TMEM266: variants seen among roughly 807,000 people sequenced by gnomAD.
TMEM266 encodes the protein transmembrane protein 266.
Under a neutral mutation model 50.5 loss-of-function variants are expected in TMEM266, and 33 were observed. That is an observed-to-expected ratio of 0.65 (90% confidence interval 0.50 to 0.87). The LOEUF (loss-of-function observed/expected upper bound fraction) is 0.87, where lower values mean the gene tolerates loss of function less well. Among genes scored for constraint, TMEM266 ranks in the 40% least tolerant of loss-of-function variants. The pLI, the probability that TMEM266 is intolerant of heterozygous loss-of-function variation, is 0.00. For synonymous variants in TMEM266, 310 were observed against 292.3 expected (o/e 1.06, Z -0.62); for missense variants, 655 against 695.1 (o/e 0.94, Z 0.65).
intron 1 of TMEM266, among the ~76,000 whole-genome samples, chr15:76,081,970 C>T (rs1002540527): frequency 8.5e-5 from 13 of 152,174 alleles, no homozygotes; most frequent in African/African-American, 3.1e-4. Context: ...AAGGAAGAAT[C>T]GTTCTTCCTT....
chr15:76,188,962 T>C (rs146471109), intron 8 of TMEM266, among the ~76,000 whole-genome samples: 1 of 152,272 alleles, frequency 6.6e-6, no homozygotes, highest in East Asian at 1.9e-4. Context: ...GGAGGATTGC[T>C]TGAGTCCAGA....
intron 1 of TMEM266, among the ~76,000 whole-genome samples, chr15:76,071,073 G>C (rs1345362209): frequency 6.6e-6 from 1 of 152,174 alleles, no homozygotes; most frequent in Non-Finnish European, 1.5e-5. Context: ...CGTTCTATAT[G>C]ATAAAGGGGG....
chr15:76,140,896 G>C (rs113147916), intron 3 of TMEM266, among the ~76,000 whole-genome samples: 14,092 of 151,688 alleles, frequency 0.093, 989 homozygotes, highest in Admixed American at 0.21. Flanking sequence ...AATTAGCCAG[G>C]CATGGTGGCA....
intron 1 of TMEM266, chr15:76,111,881 T>C (rs2037176049): frequency 6.6e-6 from 1 of 152,242 alleles, no homozygotes; most frequent in Admixed American, 6.5e-5. Flanking sequence ...GTAACCAACA[T>C]GTTCTTCCAT....
intron 1 of TMEM266, among the ~76,000 whole-genome samples, chr15:76,109,863 T>C (rs2037141105): frequency 6.6e-6 from 1 of 152,060 alleles, no homozygotes; most frequent in South Asian, 2.1e-4. Context: ...TTTCACTGTT[T>C]TACCCAGGCT....
chr15:76,137,856 A>G lies in TMEM266; in HGVS notation c.188A>G (p.Gln63Arg), dbSNP rs745928129. ...GTCGATCTCTCCACGGCGGGCTCGC[A>G]GCTCCTGTCAAATCTGGACGAAGAT... The change falls in exon 3 of 11, where the codon CAG (glutamine) becomes CGG (arginine). Residue 63 changes from glutamine to arginine, a missense_variant. Physicochemically the swap from Gln to Arg is conservative, Grantham distance 43. Coordinates refer to ENST00000388942, the MANE Select transcript of TMEM266 (RefSeq NM_152335.3). 3.1e-6 allele frequency: 5 copies of G among 1,601,984 alleles called. No homozygotes were observed. The South Asian group carries it at 5.6e-5, about 18-fold the overall frequency.
intron 6 of TMEM266, 43 bp downstream of exon 6, chr15:76,169,915 C>T (rs1175968838): frequency 1.9e-6 from 3 of 1,586,502 alleles, no homozygotes; most frequent in Non-Finnish European, 2.6e-6. Context: ...CTCTGCCATC[C>T]TGGAAGCTGG....
chr15:76,188,631 C>T (rs12050813), intron 8 of TMEM266, among the ~76,000 whole-genome samples: 36,461 of 152,000 alleles, frequency 0.24, 4,878 homozygotes, highest in East Asian at 0.55. Context: ...AAAACTAAAC[C>T]ATCAGATCTT....
At chr15:76,066,057 A>G (rs1283656613) in intron 1 of TMEM266, among the ~76,000 whole-genome samples, 2 of 152,246 alleles carry the variant, frequency 1.3e-5, no homozygotes, top group East Asian at 3.8e-4. Flanking sequence ...CAGACAGAGT[A>G]TGAATTACTT....
intron 1 of TMEM266, among the ~76,000 whole-genome samples, chr15:76,116,668 G>A (rs2037251348): frequency 6.6e-6 from 1 of 151,918 alleles, no homozygotes; most frequent in African/African-American, 2.4e-5. Flanking sequence ...CTTATCTTTA[G>A]GGCATCTGCA....
intron 1 of TMEM266, among the ~76,000 whole-genome samples, chr15:76,125,318 T>A (rs914717225): frequency 6.6e-6 from 1 of 151,926 alleles, no homozygotes; most frequent in Non-Finnish European, 1.5e-5. Flanking sequence ...TTTCTGCACA[T>A]CAAAGGAAAC....
At position 76,204,002 on chromosome 15, in the gene TMEM266, C is replaced by T. The variant is rs765232679; in HGVS notation, c.1283C>T (p.Pro428Leu). The T allele has an allele frequency of 5.4e-5, 87 of 1,608,366 alleles. No homozygotes were observed. The highest frequency in any genetic ancestry group is 2.0e-4 in the Admixed American group (12 of 59,828). ...TCTGAGCCCGGCCCTTCTCCCCCGC[C>T]GCTGCCATCCCAGCAGCAGGTGGAG... The change falls in exon 11 of 11, where the codon CCG becomes CTG. Residue 428 changes from proline to leucine, a missense_variant. By Grantham distance (98) the Pro-to-Leu change is moderately conservative. Around this residue, in one of 3 missense-constraint regions of TMEM266, gnomAD observed 455 missense variants for 401.8 expected, o/e 1.13. Coordinates refer to ENST00000388942, the MANE Select transcript of TMEM266 (RefSeq NM_152335.3).
At chr15:76,162,686 A>G (rs2038036609) in intron 5 of TMEM266, among the ~76,000 whole-genome samples, 1 of 152,158 alleles carries the variant, frequency 6.6e-6, no homozygotes, top group Non-Finnish European at 1.5e-5. Context: ...CTTGCCCCTG[A>G]CTGCATCCTT....
rs78683852 is a variant in TMEM266, at chr15:76,078,466, C to T, written c.-97+18450C>T. On this transcript the variant is annotated intron_variant, in intron 1 of 10. Transcript: ENST00000388942. ...TGCTAAGTTTGACTCAACCTTGAGT[C>T]TGACAAAACTTGAAGCCACATCCTG... Among the ~76,000 whole-genome samples, 176 of 151,244 alleles carry T rather than the reference C, an allele frequency of 1.2e-3. 1 individual carries two copies. Among genetic ancestry groups the T allele is most frequent in the African/African-American group, 4.2e-3 (169 of 40,542 alleles).
At chr15:76,146,719 A>T (rs1467954062) in intron 3 of TMEM266, among the ~76,000 whole-genome samples, 1 of 152,186 alleles carries the variant, frequency 6.6e-6, no homozygotes, top group Non-Finnish European at 1.5e-5. Flanking sequence ...GGGACCTACT[A>T]AGCCATAGCC....
intron 1 of TMEM266, among the ~76,000 whole-genome samples, chr15:76,093,028 G>A (rs1198091391): frequency 2.6e-5 from 4 of 151,206 alleles, no homozygotes; most frequent in African/African-American, 7.3e-5. Flanking sequence ...GGCTGGTCTC[G>A]AACTCCTGAC....
At chr15:76,085,281 G>A (rs1205690723) in intron 1 of TMEM266, among the ~76,000 whole-genome samples, 2 of 139,654 alleles carry the variant, frequency 1.4e-5, no homozygotes, top group African/African-American at 2.7e-5. Context: ...TTTTTGAGAC[G>A]GAGTCTTGCT....
chr15:76,177,384 G>A (rs578084834), intron 8 of TMEM266, among the ~76,000 whole-genome samples: 2 of 152,178 alleles, frequency 1.3e-5, no homozygotes, highest in Non-Finnish European at 1.5e-5. Context: ...TTGGCTCCTC[G>A]ACCAACCCCA....
chr15:76,154,010 C>T (rs574567697), intron 3 of TMEM266, among the ~76,000 whole-genome samples: 5 of 152,258 alleles, frequency 3.3e-5, no homozygotes, highest in East Asian at 1.9e-4. Flanking sequence ...CCTTCCCATG[C>T]GCTTTTCCCC....
Sources: allele counts gnomAD v4.1 joint callset (sites outside exome capture counted in the v4.1 genomes callset), GRCh38; gene constraint gnomAD v4.1.1; regional missense constraint gnomAD v4.1.1; transcripts MANE v1.5; gene names NCBI Gene and HGNC (gene_info 2026-07-23, HGNC 2026-07-21).